PTDSS2: variants seen among roughly 807,000 people sequenced by gnomAD.
PTDSS2 encodes phosphatidylserine synthase 2.
A neutral mutation model predicts 64.7 loss-of-function variants in PTDSS2; 41 were observed. That is an observed-to-expected ratio of 0.63 (90% CI 0.49 to 0.82). PTDSS2 has a LOEUF of 0.82. Among genes scored for constraint, PTDSS2 ranks in the 40% least tolerant of loss-of-function variants. The pLI, the probability that PTDSS2 is intolerant of heterozygous loss-of-function variation, is 0.00. For missense variants in PTDSS2, 485 were observed against 650.0 expected, an observed-to-expected ratio of 0.75 and a Z score of 2.76; for synonymous variants, 297 against 277.8, an observed-to-expected ratio of 1.07 and a Z score of -0.69.
At chr11:451,690 A>G (rs1186818230) in intron 1 of PTDSS2, among the ~76,000 whole-genome samples, 1 of 152,100 alleles carries the variant, frequency 6.6e-6, no homozygotes, top group South Asian at 2.1e-4. Context: ...ATGGAGGAGT[A>G]AGGGACTTGT....
intron 3 of PTDSS2, among the ~76,000 whole-genome samples, chr11:475,480 A>ATATTCACACGTTTGT (rs1564980431): frequency 2.8e-5 from 2 of 70,878 alleles, no homozygotes; most frequent in African/African-American, 5.4e-5. Flanking sequence ...TTTGTGATAC[A>ATATTCACACGTTTGT]GACATATTCA....
At chr11:466,803 C>T (rs964795400) in intron 2 of PTDSS2, among the ~76,000 whole-genome samples, 2 of 152,188 alleles carry the variant, frequency 1.3e-5, no homozygotes, top group African/African-American at 2.4e-5. Context: ...AGTCACTTCC[C>T]TCCCTCCACA....
chr11:452,509 G>A (rs775159310), intron 1 of PTDSS2, among the ~76,000 whole-genome samples: 3 of 152,332 alleles, frequency 2.0e-5, no homozygotes, highest in Admixed American at 6.5e-5. Context: ...GGACACAGAC[G>A]GCTGGGCGCA....
intron 2 of PTDSS2, among the ~76,000 whole-genome samples, chr11:472,431 C>G (rs1590647285): frequency 6.6e-6 from 1 of 152,210 alleles, no homozygotes; most frequent in Non-Finnish European, 1.5e-5. Flanking sequence ...TGCCTCTGTC[C>G]CTGGAGGCTG....
At chr11:486,609 G>A (rs909186875) in intron 4 of PTDSS2, among the ~76,000 whole-genome samples, 8 of 152,124 alleles carry the variant, frequency 5.3e-5, no homozygotes, top group African/African-American at 1.9e-4. Flanking sequence ...TTGGGAGGCC[G>A]AAGTGGGCGG....
rs944645744 is a variant in PTDSS2 at position 470,226 on chromosome 11, T to G, written c.285-3669T>G. Among the ~76,000 whole-genome samples the G allele has an allele frequency of 6.6e-6, 1 of 152,134 alleles. No homozygotes were observed. The highest frequency in any genetic ancestry group is 1.5e-5 in the Non-Finnish European group (1 of 68,022). ...GACACCCCCAAGCCCAGTGGTCAGG[T>G]CAGCATGCACTGGTCATGTTCATGG... is the stretch of plus-strand genomic sequence containing the variant. On this transcript the variant is annotated intron_variant, in intron 2 of 11. Transcript: ENST00000308020. This position sits in a 1 kb window ranked among gnomAD's most constrained non-coding sequence, Gnocchi z 5.3.
At chr11:473,705 C>T (rs1287163816) in intron 2 of PTDSS2, among the ~76,000 whole-genome samples, 190 bp from the exon 3 acceptor site, 2 of 152,182 alleles carry the variant, frequency 1.3e-5, no homozygotes, top group East Asian at 3.8e-4. Context: ...GGCGAATGTC[C>T]GGCCCAGGGT....
chr11:481,846 C>CT (rs577828521), intron 4 of PTDSS2, among the ~76,000 whole-genome samples: 3,429 of 140,566 alleles, frequency 0.024, 59 homozygotes, highest in Non-Finnish European at 0.036. Flanking sequence ...TATTTCTTTT[C>CT]TTTTTTTTTT....
intron 2 of PTDSS2, among the ~76,000 whole-genome samples, chr11:465,298 C>T (rs544622806): frequency 1.2e-4 from 18 of 152,330 alleles, no homozygotes; most frequent in Non-Finnish European, 2.1e-4. Context: ...TCCAGCAATC[C>T]TCCTGCCTCA....
At chr11:468,760 AGGAGGAGGGGAGTCTCTGGGTAATT>A (rs1466083810) in intron 2 of PTDSS2, among the ~76,000 whole-genome samples, 60 of 149,432 alleles carry the variant, frequency 4.0e-4, no homozygotes, top group Non-Finnish European at 5.9e-4. Flanking sequence ...AATCAGAGGG[AGGAGGAGGGGAGTCTCTGGGTAATT>A]GGAGGAGGGG....
intron 2 of PTDSS2, among the ~76,000 whole-genome samples, chr11:468,187 T>G (rs1429204793): frequency 6.6e-6 from 1 of 152,214 alleles, no homozygotes; most frequent in African/African-American, 2.4e-5. Context: ...AATACATGTT[T>G]CTATAAATAC....
At chr11:485,599 G>T (rs527891598) in intron 4 of PTDSS2, among the ~76,000 whole-genome samples, 4 of 140,632 alleles carry the variant, frequency 2.8e-5, no homozygotes, top group Admixed American at 7.0e-5. Flanking sequence ...CTGCACGGGC[G>T]CGTGTGCTCA....
intron 4 of PTDSS2, among the ~76,000 whole-genome samples, chr11:486,142 G>T (rs926131137): frequency 3.3e-5 from 5 of 152,222 alleles, no homozygotes; most frequent in Non-Finnish European, 5.9e-5. Context: ...GTCTGTAAAT[G>T]ATGTAAACCT....
In PTDSS2 at chr11:479,031, G is replaced by A; in HGVS notation, c.368-54G>A. 1 of 1,486,386 alleles carries A rather than the reference G, an allele frequency of 6.7e-7. No homozygotes were observed. The highest frequency in any genetic ancestry group is 9.4e-7 in the Non-Finnish European group (1 of 1,063,660). The allele number at this position is 1,486,386 out of a possible 1,614,324, so 92.1% of individuals were successfully genotyped here. A position where few individuals can be genotyped will look rare whatever the true frequency, so the allele number is the denominator to read the frequency against. Reference sequence around the variant, plus strand: ...CCAGGAGCCGGCCTGGGGCTGAGCGGGGCCGTGGAGGCCTGGACCGGGCGC... The same window carrying A: ...CCAGGAGCCGGCCTGGGGCTGAGCGAGGCCGTGGAGGCCTGGACCGGGCGC... On this transcript the variant is annotated intron_variant, in intron 3 of 11. Transcript: ENST00000308020. This position sits in a 1 kb window ranked among gnomAD's most constrained non-coding sequence, Gnocchi z 4.2.
In PTDSS2 at chr11:490,811, C is replaced by CGT; in HGVS notation, c.*230_*231insTG. 4 of 581,980 alleles carry CGT rather than the reference C, an allele frequency of 6.9e-6. No individual in the cohort carries two copies. Among genetic ancestry groups the CGT allele is most frequent in the Admixed American group, 3.1e-5 (1 of 31,884 alleles). 36.1% of individuals were successfully genotyped at this position (581,980 alleles called of 1,614,324 possible). A position where few individuals can be genotyped will look rare whatever the true frequency, so the allele number is the denominator to read the frequency against. On this transcript the variant is annotated 3_prime_UTR_variant, in exon 12 of 12. Coordinates refer to ENST00000308020, the MANE Select transcript of PTDSS2 (RefSeq NM_030783.3). ...ATGCGTGTGTGTACGCGTGTGTACGCGCGTGTGTACACATGCGTGGCCGCC... is the reference window on the plus strand; with the variant it reads ...ATGCGTGTGTGTACGCGTGTGTACGCGTGCGTGTGTACACATGCGTGGCCGCC...
In PTDSS2 at chr11:489,873, G is replaced by C. The variant is rs747686376; in HGVS notation, c.1116-10G>C. 9 of 1,573,968 alleles carry C rather than the reference G, an allele frequency of 5.7e-6. No individual in the cohort carries two copies. The highest frequency in any genetic ancestry group is 7.7e-6 in the Non-Finnish European group (9 of 1,162,660). On this transcript the variant is annotated splice_polypyrimidine_tract_variant and intron_variant, in intron 10 of 11. Transcript: ENST00000308020. ...GGCCCGGGACGCTGAACCCCCTGCT[G>C]CCCCTGCAGGAAGCCCCACAAGAAG...
Position 490,717 on chromosome 11 carries a change from G to A in PTDSS2, c.*135G>A, listed in dbSNP as rs906417993. On this transcript the variant is annotated 3_prime_UTR_variant, in exon 12 of 12. Coordinates refer to ENST00000308020, the MANE Select transcript of PTDSS2 (RefSeq NM_030783.3). ...GCTTTTCTCCTGTGCACCTGGCGAG[G>A]CTGAAGGCGAGGGGTGGAGGAGGCC... is the stretch of plus-strand genomic sequence containing the variant. 8.8e-6 allele frequency: 8 copies of A among 911,596 alleles called. No homozygotes were observed. Among genetic ancestry groups the A allele is most frequent in the Admixed American group, 2.8e-5 (1 of 35,320 alleles). 56.5% of individuals were successfully genotyped at this position (911,596 alleles called of 1,614,324 possible).
rs1847801072 is a variant in PTDSS2, at chr11:476,299, TGCCCG to T, written c.367+2323_367+2327del. Among the ~76,000 whole-genome samples the T allele has an allele frequency of 6.6e-6, 1 of 152,084 alleles. No individual in the cohort carries two copies. Among genetic ancestry groups the T allele is most frequent in the East Asian group, 1.9e-4 (1 of 5,198 alleles). On this transcript the variant is annotated intron_variant, in intron 3 of 11. Transcript: ENST00000308020. This position sits in a 1 kb window ranked among gnomAD's most constrained non-coding sequence, Gnocchi z 4.9. ...GGAAGGTGCAGTGATGGTGAGAAAC[TGCCCG>T]TCACACAGTGAAAAGCCTGGCGCCG...
intron 11 of PTDSS2, 100 bp downstream of exon 11, chr11:490,168 C>A: frequency 1.5e-6 from 2 of 1,346,058 alleles, no homozygotes; most frequent in Non-Finnish European, 2.0e-6. Flanking sequence ...GTCTCACTGT[C>A]CCTGCTTCAA....
Sources: gnomAD v4.1 joint callset for allele counts (sites outside exome capture counted in the v4.1 genomes callset) on GRCh38, gnomAD v4.1.1 for gene constraint, Gnocchi (gnomAD v3.1) non-coding constraint, MANE v1.5 for transcripts, NCBI Gene and HGNC (gene_info 2026-07-23, HGNC 2026-07-21) for gene names.